RARB: variants seen among roughly 807,000 people sequenced by gnomAD.
RARB encodes the protein retinoic acid receptor beta.
Under a neutral mutation model 51.9 loss-of-function variants are expected in RARB, and 17 were observed. That is an observed-to-expected ratio of 0.33 (90% CI 0.22 to 0.49). RARB has a LOEUF of 0.49. Ranked by LOEUF, RARB falls within the 20% of genes least tolerant of loss-of-function variation. The probability of loss-of-function intolerance (pLI) is 0.99; values close to 1 mark genes in which losing one functional copy is unlikely to be tolerated. For synonymous variants in RARB, 215 were observed against 195.4 expected (o/e 1.10, Z -0.84); for missense variants, 369 against 550.8 (o/e 0.67, Z 3.30).
chr3:24,919,603 T>C (rs573828988), intron 2 of RARB, among the ~76,000 whole-genome samples: 1 of 152,296 alleles, frequency 6.6e-6, no homozygotes, highest in African/African-American at 2.4e-5. Context: ...CTACTCTGGG[T>C]CTGGAGGCTG....
At chr3:25,249,389 T>C (rs1702648321) in intron 5 of RARB, among the ~76,000 whole-genome samples, 1 of 152,176 alleles carries the variant, frequency 6.6e-6, no homozygotes, top group Non-Finnish European at 1.5e-5. Flanking sequence ...CCCACTGAAC[T>C]TTTTAATATC....
chr3:25,251,384 C>T (rs1234882635), intron 5 of RARB, among the ~76,000 whole-genome samples: 1 of 151,844 alleles, frequency 6.6e-6, no homozygotes, highest in African/African-American at 2.4e-5. Flanking sequence ...TGGGTATATA[C>T]CCAAGAGTGG....
At chr3:24,850,092 G>A (rs1227490957) in intron 1 of RARB, among the ~76,000 whole-genome samples, 3 of 152,170 alleles carry the variant, frequency 2.0e-5, no homozygotes, top group Non-Finnish European at 2.9e-5. Flanking sequence ...AGGCTGAAGG[G>A]CAAGAGAGAG....
intron 3 of RARB, among the ~76,000 whole-genome samples, chr3:25,563,004 A>G (rs1414185338): frequency 6.6e-6 from 1 of 152,224 alleles, no homozygotes; most frequent in African/African-American, 2.4e-5. Flanking sequence ...AATAATTTTA[A>G]GAAGCTGAGC....
intron 2 of RARB, among the ~76,000 whole-genome samples, chr3:24,970,592 C>T (rs1696375591): frequency 6.6e-6 from 1 of 151,716 alleles, no homozygotes; most frequent in East Asian, 1.9e-4. Context: ...CACACACACA[C>T]ACACACACAC....
intron 3 of RARB, among the ~76,000 whole-genome samples, chr3:25,558,414 A>T (rs1270115308): frequency 1.3e-5 from 2 of 151,388 alleles, no homozygotes; most frequent in Non-Finnish European, 2.9e-5. Flanking sequence ...TCTTTTCTCC[A>T]TTGGTTTCTG....
In RARB at chr3:25,388,189, A is replaced by T. The variant is rs142660274; in HGVS notation, c.179-73004A>T. 3.7e-3 allele frequency among the ~76,000 whole-genome samples: 564 copies of T among 152,330 alleles called. 7 individuals are homozygous for T. Among genetic ancestry groups the T allele is most frequent in the African/African-American group, 0.013 (531 of 41,570 alleles). On this transcript the variant is annotated intron_variant, in intron 5 of 11. Transcript: ENST00000383772. ...GTTCAAAAGTATTGCAGAAAAGCTG[A>T]TTCCTAATTATTACATACAGCATTG...
At chr3:25,017,397 G>T (rs749183326) in intron 2 of RARB, among the ~76,000 whole-genome samples, 3 of 150,638 alleles carry the variant, frequency 2.0e-5, no homozygotes, top group Non-Finnish European at 3.0e-5. Flanking sequence ...AAAGATTAAA[G>T]AAGATTTTTC....
At chr3:24,987,312 G>A (rs1696815912) in intron 2 of RARB, among the ~76,000 whole-genome samples, 1 of 152,030 alleles carries the variant, frequency 6.6e-6, no homozygotes, top group East Asian at 1.9e-4. Flanking sequence ...CACAATTAAA[G>A]CATACAGAAA....
At chr3:24,881,374 A>G (rs1318717347) in intron 2 of RARB, among the ~76,000 whole-genome samples, 9 of 152,200 alleles carry the variant, frequency 5.9e-5, no homozygotes, top group Non-Finnish European at 7.3e-5. Context: ...GAACTAAGCA[A>G]TTAGCCTGGG....
At chr3:25,378,777 C>T (rs1235893875) in intron 5 of RARB, among the ~76,000 whole-genome samples, 1 of 152,112 alleles carries the variant, frequency 6.6e-6, no homozygotes, top group Non-Finnish European at 1.5e-5. Flanking sequence ...ACTTCAAGGT[C>T]TTTGGTCTGT....
chr3:25,589,957 G>C (rs1010778764), intron 5 of RARB, among the ~76,000 whole-genome samples: 1 of 152,226 alleles, frequency 6.6e-6, no homozygotes, highest in Non-Finnish European at 1.5e-5. Context: ...AAAATGAAAC[G>C]ACTTGGGTTC....
chr3:25,463,061 G>T (rs910396094), intron 2 of RARB, among the ~76,000 whole-genome samples: 2 of 151,988 alleles, frequency 1.3e-5, no homozygotes, highest in African/African-American at 2.4e-5. Context: ...TGTAGAGATG[G>T]GGGTCTCACG....
chr3:25,403,299 G>C (rs1181971191), intron 5 of RARB, among the ~76,000 whole-genome samples: 1 of 152,132 alleles, frequency 6.6e-6, no homozygotes, highest in African/African-American at 2.4e-5. Context: ...AAATGCTTGA[G>C]GGGATGGATA....
intron 5 of RARB, among the ~76,000 whole-genome samples, chr3:25,179,169 A>G (rs1318060185): frequency 1.3e-5 from 2 of 152,204 alleles, no homozygotes; most frequent in Admixed American, 6.5e-5. Context: ...GGAACATAAA[A>G]TGAGTCTTAT....
chr3:25,166,683 A>G (rs1559489475), intron 4 of RARB, among the ~76,000 whole-genome samples: 1 of 152,208 alleles, frequency 6.6e-6, no homozygotes, highest in Non-Finnish European at 1.5e-5. Flanking sequence ...CGTTTTCTCC[A>G]AAAATCTTGT....
intron 5 of RARB, among the ~76,000 whole-genome samples, chr3:25,192,665 A>G (rs1156362853): frequency 3.3e-5 from 5 of 152,076 alleles, no homozygotes; most frequent in African/African-American, 4.8e-5. Flanking sequence ...CTGGCAATTA[A>G]TGAGTGGCAC....
At chr3:25,020,836 G>A (rs1417103517) in intron 2 of RARB, among the ~76,000 whole-genome samples, 1 of 152,236 alleles carries the variant, frequency 6.6e-6, no homozygotes, top group African/African-American at 2.4e-5. Context: ...GGGCGTGGTG[G>A]CACGTTGCTG....
intron 5 of RARB, among the ~76,000 whole-genome samples, chr3:25,340,213 G>A (rs558882975): frequency 1.3e-5 from 2 of 152,094 alleles, no homozygotes; most frequent in East Asian, 3.9e-4. Context: ...GACTCTGAAA[G>A]ACTAATGGAA....
Sources: allele counts gnomAD v4.1 joint callset (sites outside exome capture counted in the v4.1 genomes callset), GRCh38; gene constraint gnomAD v4.1.1; transcripts MANE v1.5; gene names NCBI Gene and HGNC (gene_info 2026-07-23, HGNC 2026-07-21).